ADAM23: variants seen among roughly 807,000 people sequenced by gnomAD.
ADAM23 encodes ADAM metallopeptidase domain 23.
In ADAM23, 33 loss-of-function variants were observed where a neutral mutation model predicts 120.1. That is an observed-to-expected ratio of 0.27 (90% CI 0.21 to 0.37). The LOEUF is 0.37. Among genes scored for constraint, ADAM23 ranks in the 10% least tolerant of loss-of-function variants. The probability of loss-of-function intolerance (pLI) is 1.00; values close to 1 mark genes in which losing one functional copy is unlikely to be tolerated. For missense variants in ADAM23, 862 were observed against 1,058.2 expected (o/e 0.81, Z 2.57); for synonymous variants, 367 against 375.2 (o/e 0.98, Z 0.25).
intron 6 of ADAM23, among the ~76,000 whole-genome samples, chr2:206,546,837 G>T (rs560597876): frequency 6.6e-6 from 1 of 152,020 alleles, no homozygotes; most frequent in Admixed American, 6.6e-5. Flanking sequence ...TATGCACTCA[G>T]TAATGGAAGC....
rs1305479240 is a variant in ADAM23, at chr2:206,444,010, C to T, written c.144C>T (p.Leu48=). ...PARTPPCRLL[L]VLLLLPPLAA... ...GCACGCCGCCCTGCCGCCTGCTTCT[C>T]GTCCTTCTCCTGCTGCCTCCGCTCG... Residue 48 remains leucine (L), a synonymous_variant, in exon 1 of 26, where the codon CTC becomes CTT. Coordinates refer to ENST00000264377, the MANE Select transcript of ADAM23 (RefSeq NM_003812.4). 3.5e-6 allele frequency: 5 copies of T among 1,409,120 alleles called. No individual in the cohort carries two copies. The highest frequency in any genetic ancestry group is 4.6e-6 in the Non-Finnish European group (5 of 1,077,918). The allele number at this position is 1,409,120 out of a possible 1,614,324, so 87.3% of individuals were successfully genotyped here. A position where few individuals can be genotyped will look rare whatever the true frequency, so the allele number is the denominator to read the frequency against.
chr2:206,474,903 C>T (rs982230479), intron 2 of ADAM23, among the ~76,000 whole-genome samples: 4 of 152,106 alleles, frequency 2.6e-5, no homozygotes, highest in Non-Finnish European at 4.4e-5. Context: ...TTATTTAATC[C>T]TCGCACACAT....
chr2:206,615,508 G>A (rs1261344081), intron 25 of ADAM23, among the ~76,000 whole-genome samples: 1 of 152,212 alleles, frequency 6.6e-6, no homozygotes, highest in Admixed American at 6.5e-5. Context: ...CAATTTATGT[G>A]TGAGGCACCT....
At chr2:206,592,518 A>C in intron 21 of ADAM23, 99 bp from the exon 22 acceptor site, 1 of 1,404,774 alleles carries the variant, frequency 7.1e-7, no homozygotes, top group East Asian at 2.3e-5. Context: ...AAAGAAAGAT[A>C]ATATTTTAAA....
At chr2:206,583,447 C>G (rs1698260485) in intron 18 of ADAM23, among the ~76,000 whole-genome samples, 1 of 150,368 alleles carries the variant, frequency 6.7e-6, no homozygotes, top group African/African-American at 2.4e-5. Flanking sequence ...GAGCGAGACT[C>G]CGTCTCAAAA....
chr2:206,519,512 TC>T (rs1159922163), intron 3 of ADAM23, among the ~76,000 whole-genome samples: 2 of 152,270 alleles, frequency 1.3e-5, no homozygotes, highest in East Asian at 3.9e-4. Flanking sequence ...TATTTGAAGG[TC>T]ATTTTTCTAA....
chr2:206,544,475 C>G (rs534656757), intron 6 of ADAM23, among the ~76,000 whole-genome samples: 2 of 152,128 alleles, frequency 1.3e-5, no homozygotes, highest in African/African-American at 4.8e-5. Context: ...ACAAAATAGA[C>G]AGAGATTGAG....
intron 2 of ADAM23, among the ~76,000 whole-genome samples, chr2:206,463,784 A>G (rs927003973): frequency 2.0e-5 from 3 of 152,234 alleles, no homozygotes; most frequent in African/African-American, 4.8e-5. Flanking sequence ...GGTAAATGGT[A>G]TGTAGAGACC....
intron 24 of ADAM23, among the ~76,000 whole-genome samples, chr2:206,601,295 T>A (rs1408657083): frequency 6.6e-6 from 1 of 152,146 alleles, no homozygotes; most frequent in East Asian, 1.9e-4. Context: ...ACAACCACAC[T>A]CATCAAATCA....
At chr2:206,499,294 C>T (rs1019793416) in intron 3 of ADAM23, among the ~76,000 whole-genome samples, 6 of 151,996 alleles carry the variant, frequency 3.9e-5, no homozygotes, top group Non-Finnish European at 5.9e-5. Context: ...GGCACGTATA[C>T]ACCATATACT....
chr2:206,614,463 T>C (rs902845369), intron 25 of ADAM23, among the ~76,000 whole-genome samples: 9 of 151,970 alleles, frequency 5.9e-5, no homozygotes, highest in Non-Finnish European at 1.3e-4. Flanking sequence ...GAGACCAGAC[T>C]GGCCAACATG....
chr2:206,578,429 T>C (rs1293980538), intron 18 of ADAM23, among the ~76,000 whole-genome samples: 1 of 151,514 alleles, frequency 6.6e-6, no homozygotes, highest in African/African-American at 2.4e-5. Context: ...CTACCACATA[T>C]CAGCGAGAAC....
chr2:206,473,037 A>G (rs976502609), intron 2 of ADAM23, among the ~76,000 whole-genome samples: 1 of 152,048 alleles, frequency 6.6e-6, no homozygotes, highest in Non-Finnish European at 1.5e-5. Context: ...TCGGGCATGT[A>G]TGTTTTCGGG....
chr2:206,505,581 A>C (rs932971942), intron 3 of ADAM23, among the ~76,000 whole-genome samples: 1 of 152,106 alleles, frequency 6.6e-6, no homozygotes, highest in Non-Finnish European at 1.5e-5. Flanking sequence ...AAGAGAGAGA[A>C]GGGGGAGGTT....
chr2:206,564,233 G>C (rs1697833315), intron 13 of ADAM23, among the ~76,000 whole-genome samples: 1 of 152,044 alleles, frequency 6.6e-6, no homozygotes, highest in Non-Finnish European at 1.5e-5. Flanking sequence ...TCGATAGAGA[G>C]AGAGGCATAG....
rs536034830 is a variant in ADAM23, at chr2:206,510,054, C to T, written c.510-20831C>T. Among the ~76,000 whole-genome samples, 4 of 152,294 alleles carry T rather than the reference C, an allele frequency of 2.6e-5. No homozygotes were observed. In the South Asian group the frequency reaches 8.3e-4, roughly 32 times the overall value. ...GTTAGTCTTGAATTGAGACTCATTT[C>T]CTAGACTTGGTCTCTTTATTTAGTT... is the stretch of plus-strand genomic sequence containing the variant. On this transcript the variant is annotated intron_variant, in intron 3 of 25. Transcript: ENST00000264377.
At chr2:206,594,099 A>T (rs1032214506) in intron 22 of ADAM23, among the ~76,000 whole-genome samples, 2 of 151,974 alleles carry the variant, frequency 1.3e-5, no homozygotes, top group African/African-American at 4.8e-5. Flanking sequence ...AGACTAGACC[A>T]TCTAGCAGTG....
At chr2:206,568,132 T>G (rs1697926911) in intron 15 of ADAM23, among the ~76,000 whole-genome samples, 1 of 152,082 alleles carries the variant, frequency 6.6e-6, no homozygotes. Context: ...TGTTTTTTTT[T>G]GAGTGGTTTG....
intron 16 of ADAM23, among the ~76,000 whole-genome samples, chr2:206,571,197 C>G (rs373392995): frequency 3.5e-4 from 53 of 152,128 alleles, no homozygotes; most frequent in African/African-American, 1.3e-3. Flanking sequence ...CTTTCTCGGC[C>G]GGGCGCGGTG....
Sources: gnomAD v4.1 joint callset for allele counts (sites outside exome capture counted in the v4.1 genomes callset) on GRCh38, gnomAD v4.1.1 for gene constraint, MANE v1.5 for transcripts, NCBI Gene and HGNC (gene_info 2026-07-23, HGNC 2026-07-21) for gene names.